SUSD1: variants seen among roughly 807,000 people sequenced by gnomAD.
SUSD1 encodes the protein sushi domain containing 1.
In SUSD1, 65 loss-of-function variants were observed where a neutral mutation model predicts 86.9. That is an observed-to-expected ratio of 0.75 (90% CI 0.61 to 0.92). SUSD1 has a LOEUF of 0.92. Ranked by LOEUF, SUSD1 falls within the 40% of genes least tolerant of loss-of-function variation. The pLI, the probability that SUSD1 is intolerant of heterozygous loss-of-function variation, is 0.00. For missense variants in SUSD1, 850 were observed against 929.7 expected, an observed-to-expected ratio of 0.91 and a Z score of 1.11; for synonymous variants, 346 against 350.0, an observed-to-expected ratio of 0.99 and a Z score of 0.13.
chr9:112,112,376 T>C (rs1831136368), intron 7 of SUSD1, among the ~76,000 whole-genome samples: 1 of 152,214 alleles, frequency 6.6e-6, no homozygotes, highest in Admixed American at 6.5e-5. Flanking sequence ...GGCTCATGCC[T>C]ATAATCCCAG....
At chr9:112,088,324 G>A (rs549170967) in intron 10 of SUSD1, among the ~76,000 whole-genome samples, 8 of 152,306 alleles carry the variant, frequency 5.3e-5, no homozygotes, top group South Asian at 2.1e-4. Flanking sequence ...AAGATGGGGC[G>A]AGGCGGAAGA....
intron 1 of SUSD1, among the ~76,000 whole-genome samples, chr9:112,167,266 T>C (rs1443928006): frequency 1.3e-5 from 2 of 151,952 alleles, no homozygotes; most frequent in Admixed American, 6.6e-5. Context: ...CCAGATAATT[T>C]TTTATTATTA....
intron 1 of SUSD1, chr9:112,173,610 T>A: frequency 2.3e-6 from 1 of 431,650 alleles, no homozygotes; most frequent in Non-Finnish European, 4.5e-6. Context: ...CTTGGTTTGA[T>A]CCTTGACCTT....
intron 10 of SUSD1, among the ~76,000 whole-genome samples, chr9:112,097,375 T>C: frequency 6.7e-6 from 1 of 149,586 alleles, no homozygotes; most frequent in Admixed American, 6.7e-5. Context: ...CTCTCATGAG[T>C]GTCTAACACA....
At chr9:112,100,171 T>C (rs1830569634) in intron 9 of SUSD1, among the ~76,000 whole-genome samples, 1 of 152,188 alleles carries the variant, frequency 6.6e-6, no homozygotes, top group Non-Finnish European at 1.5e-5. Context: ...TCACACAAAT[T>C]AACCTTTATC....
chr9:112,117,266 C>T (rs1222801815), intron 6 of SUSD1, among the ~76,000 whole-genome samples: 1 of 152,268 alleles, frequency 6.6e-6, no homozygotes, highest in Non-Finnish European at 1.5e-5. Flanking sequence ...CAAACTCCAT[C>T]TCCCTCTCTC....
chr9:112,164,102 G>T (rs700110), intron 1 of SUSD1, among the ~76,000 whole-genome samples: 109,259 of 152,138 alleles, frequency 0.72, 40,476 homozygotes, highest in African/African-American at 0.91. Context: ...TAAAAAATAT[G>T]AAGAAGAAAA....
chr9:112,064,751 C>T (rs1483071907), intron 12 of SUSD1, among the ~76,000 whole-genome samples: 1 of 151,948 alleles, frequency 6.6e-6, no homozygotes, highest in Non-Finnish European at 1.5e-5. Flanking sequence ...TGGCGGGCAC[C>T]TGTAATCCCA....
chr9:112,167,542 G>GTTA (rs1010084790), intron 1 of SUSD1, among the ~76,000 whole-genome samples: 11 of 152,296 alleles, frequency 7.2e-5, no homozygotes, highest in Admixed American at 3.3e-4. Flanking sequence ...CACAGATTTT[G>GTTA]TTATTATTGT....
chr9:112,053,193 AT>A (rs545087762), intron 14 of SUSD1, among the ~76,000 whole-genome samples: 2,572 of 150,072 alleles, frequency 0.017, 72 homozygotes, highest in African/African-American at 0.059. Context: ...GATTTTATTA[AT>A]TTTTTTTTTA....
chr9:112,076,021 A>G lies in SUSD1; in HGVS notation c.1753+2517T>C, dbSNP rs142489220. On this transcript the variant is annotated intron_variant, in intron 12 of 16. Coordinates refer to ENST00000374270, the MANE Select transcript of SUSD1 (RefSeq NM_022486.5). ...TGGGAAAGGAGGAGAGCAGGGGGAGATGAATTAGAAGTAGGCAGGGGCCAG... is the reference window on the plus strand; with the variant it reads ...TGGGAAAGGAGGAGAGCAGGGGGAGGTGAATTAGAAGTAGGCAGGGGCCAG... 7.4e-3 allele frequency among the ~76,000 whole-genome samples: 1,133 copies of G among 152,314 alleles called. 8 individuals are homozygous for G. Among genetic ancestry groups the G allele is most frequent in the Admixed American group, 0.013 (199 of 15,300 alleles).
At position 112,151,281 on chromosome 9, in the gene SUSD1, T is replaced by C. The variant is rs1427755619; in HGVS notation, c.218-1882A>G. Among the ~76,000 whole-genome samples the C allele has an allele frequency of 3.3e-5, 5 of 152,236 alleles. No individual in the cohort carries two copies. In the East Asian group the frequency reaches 7.7e-4, roughly 24 times the overall value. On this transcript the variant is annotated intron_variant, in intron 2 of 16. Transcript: ENST00000374270. ...GTAAACTTTCTAAACACTGTACACA[T>C]AGGCTACACTAAATTTATAAAAGTA...
intron 12 of SUSD1, among the ~76,000 whole-genome samples, chr9:112,067,317 G>A (rs1244482506): frequency 6.6e-6 from 1 of 152,244 alleles, no homozygotes; most frequent in African/African-American, 2.4e-5. Context: ...AGAGCAACGG[G>A]CCTGTGGTGA....
Position 112,078,711 on chromosome 9 carries a change from C to A in SUSD1, c.1580G>T (p.Gly527Val), listed in dbSNP as rs1250637213. The change falls in exon 12 of 17, where the codon GGC becomes GTC. Residue 527 changes from glycine to valine, a missense_variant. By Grantham distance (109) the Gly-to-Val change is moderately radical. Transcript: ENST00000374270. The stretch of plus-strand genomic sequence containing the variant: ...AAATTCCTTCTGATACCATCTCTGG[C>A]CCCAAATGTGGAACTGAAACATAAA... ...MEEMYLFHIWGQRWYQKEFAQ... is the reference protein window; with the variant it reads ...MEEMYLFHIWVQRWYQKEFAQ... 1 of 1,612,388 alleles carries A rather than the reference C, an allele frequency of 6.2e-7. No homozygotes were observed. Among genetic ancestry groups the A allele is most frequent in the Non-Finnish European group, 8.5e-7 (1 of 1,178,696 alleles).
intron 12 of SUSD1, among the ~76,000 whole-genome samples, chr9:112,073,511 AC>A (rs966505067): frequency 1.5e-5 from 1 of 68,452 alleles, no homozygotes; most frequent in Non-Finnish European, 3.0e-5. Flanking sequence ...GCCCCCACCC[AC>A]CCCCATCCTC....
chr9:112,044,038 G>A (rs1422598874), intron 15 of SUSD1, among the ~76,000 whole-genome samples: 4 of 152,090 alleles, frequency 2.6e-5, no homozygotes, highest in Non-Finnish European at 5.9e-5. Context: ...GACCTCAGGC[G>A]ATCTGCCCAT....
At chr9:112,142,973 T>C (rs1415715756) in intron 4 of SUSD1, among the ~76,000 whole-genome samples, 3 of 92,252 alleles carry the variant, frequency 3.3e-5, no homozygotes, top group African/African-American at 1.1e-4. Flanking sequence ...TTTTTTTTTT[T>C]TTTTTTTTTT....
At chr9:112,130,048 AAG>A (rs965719389) in intron 5 of SUSD1, among the ~76,000 whole-genome samples, 23 of 152,180 alleles carry the variant, frequency 1.5e-4, no homozygotes, top group African/African-American at 5.5e-4. Context: ...AGGGAATTAT[AAG>A]AAAGTTGTTC....
chr9:112,059,319 CTG>C (rs1265825496), intron 13 of SUSD1, among the ~76,000 whole-genome samples: 1 of 152,194 alleles, frequency 6.6e-6, no homozygotes, highest in Non-Finnish European at 1.5e-5. Flanking sequence ...TATCACTGCC[CTG>C]TGTGTGTGTC....
Sources: gnomAD v4.1 joint callset for allele counts (sites outside exome capture counted in the v4.1 genomes callset) on GRCh38, gnomAD v4.1.1 for gene constraint, MANE v1.5 for transcripts, NCBI Gene and HGNC (gene_info 2026-07-23, HGNC 2026-07-21) for gene names.